The following PTGER3 variants were observed in gnomAD, a reference collection of about 807,000 sequenced individuals.
PTGER3 encodes prostaglandin E receptor 3.
In PTGER3, 22 loss-of-function variants were observed where a neutral mutation model predicts 34.7. The observed-to-expected ratio is 0.63, with a 90% confidence interval of 0.45 to 0.91. The LOEUF (loss-of-function observed/expected upper bound fraction) is 0.91, where lower values mean the gene tolerates loss of function less well. PTGER3 is among the 40% of genes least tolerant of loss of function. The pLI, the probability that PTGER3 is intolerant of heterozygous loss-of-function variation, is 0.00. For synonymous variants in PTGER3, 241 were observed against 230.1 expected, an observed-to-expected ratio of 1.05 and a Z score of -0.43; for missense variants, 468 against 519.4, an observed-to-expected ratio of 0.90 and a Z score of 0.96.
At chr1:70,866,446 A>G (rs1003246565) in intron 4 of PTGER3, among the ~76,000 whole-genome samples, 1 of 152,160 alleles carries the variant, frequency 6.6e-6, no homozygotes. Flanking sequence ...CAGAGATCAA[A>G]CCACCATCAA....
chr1:71,021,802 T>G lies in PTGER3; in HGVS notation c.898-9318A>C, dbSNP rs35206244. Among the ~76,000 whole-genome samples the G allele has an allele frequency of 9.6e-4, 145 of 151,776 alleles. 2 individuals carry two copies. The East Asian group carries it at 0.02, about 21-fold the overall frequency. ...AGAGATAGTCACCTCAATATAAAAA[T>G]AGAAAGTTAGAAAAACCTAGATGAC... On this transcript the variant is annotated intron_variant, in intron 1 of 3. Transcript: ENST00000306666.
At chr1:71,006,720 A>G in intron 2 of PTGER3, 5 of 985,244 alleles carry the variant, frequency 5.1e-6, no homozygotes, top group Non-Finnish European at 6.0e-6. Context: ...TAATTTTTCC[A>G]GATAGCATGG....
chr1:70,859,377 C>T (rs1645878681), intron 4 of PTGER3, among the ~76,000 whole-genome samples: 1 of 151,900 alleles, frequency 6.6e-6, no homozygotes, highest in Non-Finnish European at 1.5e-5. Flanking sequence ...CTTTATGGTG[C>T]CTAGTCTGTC....
chr1:70,907,344 A>T (rs1646970571), intron 4 of PTGER3, among the ~76,000 whole-genome samples: 1 of 152,262 alleles, frequency 6.6e-6, no homozygotes, highest in Non-Finnish European at 1.5e-5. Context: ...AATGAGAATT[A>T]CAAGGACAGT....
At chr1:70,882,223 G>A (rs1646405294) in intron 4 of PTGER3, among the ~76,000 whole-genome samples, 1 of 152,204 alleles carries the variant, frequency 6.6e-6, no homozygotes, top group Non-Finnish European at 1.5e-5. Flanking sequence ...CCATTGGCAT[G>A]GGTGTGTGGT....
chr1:70,852,957 T>C (rs1356620949), intron 4 of PTGER3: 1 of 1,349,714 alleles, frequency 7.4e-7, no homozygotes, highest in Non-Finnish European at 1.1e-6. Context: ...AAATTTCAGA[T>C]TATGAACAGG....
chr1:70,946,851 G>T (rs1326883431), intron 4 of PTGER3, among the ~76,000 whole-genome samples: 1 of 152,110 alleles, frequency 6.6e-6, no homozygotes, highest in African/African-American at 2.4e-5. Context: ...ATGCTCACAG[G>T]TCTTATGTTC....
intron 4 of PTGER3, among the ~76,000 whole-genome samples, chr1:70,900,643 T>C (rs1646816274): frequency 6.6e-6 from 1 of 152,208 alleles, no homozygotes; most frequent in African/African-American, 2.4e-5. Flanking sequence ...ATGTAATGTA[T>C]GCAGCTTGGC....
rs538386729 is a variant in PTGER3, at chr1:71,037,709, G to A, written c.897+8972C>T. The stretch of plus-strand genomic sequence containing the variant: ...GAGTCGTTAATCGTTTTATCTTACC[G>A]GTTAGAAAAGGAAAGTCCGGCAAGA... On this transcript the variant is annotated intron_variant, in intron 1 of 3. Transcript: ENST00000306666. Among the ~76,000 whole-genome samples, 125 of 151,242 alleles carry A rather than the reference G, an allele frequency of 8.3e-4. 2 individuals are homozygous for A. Among genetic ancestry groups the A allele is most frequent in the Non-Finnish European group, 1.4e-3 (96 of 67,810 alleles).
At chr1:70,915,761 A>T (rs1457304628) in intron 4 of PTGER3, among the ~76,000 whole-genome samples, 1 of 151,868 alleles carries the variant, frequency 6.6e-6, no homozygotes, top group East Asian at 1.9e-4. Flanking sequence ...ATGATTGTAG[A>T]TGTGCAGCTT....
intron 2 of PTGER3, among the ~76,000 whole-genome samples, chr1:70,978,487 C>A (rs1277636732): frequency 6.6e-6 from 1 of 152,060 alleles, no homozygotes; most frequent in Admixed American, 6.6e-5. Flanking sequence ...ATTTGACCTA[C>A]TCAAGGGGGA....
At chr1:71,007,767 G>T in intron 2 of PTGER3, 1 of 985,222 alleles carries the variant, frequency 1.0e-6, no homozygotes, top group East Asian at 1.1e-4. Flanking sequence ...TTAATGATTG[G>T]CTGTTTTTGC....
chr1:70,871,747 C>G (rs919272655), intron 4 of PTGER3, among the ~76,000 whole-genome samples: 1 of 152,100 alleles, frequency 6.6e-6, no homozygotes, highest in East Asian at 1.9e-4. Context: ...ACATTAGATG[C>G]AGAAATATCA....
At chr1:70,973,487 G>A (rs1653358968) in intron 3 of PTGER3, among the ~76,000 whole-genome samples, 1 of 152,032 alleles carries the variant, frequency 6.6e-6, no homozygotes, top group African/African-American at 2.4e-5. Context: ...CAACCATGAG[G>A]ATAAATGTCT....
downstream of PTGER3, among the ~76,000 whole-genome samples, chr1:70,948,036 A>G (rs1229594452): frequency 6.6e-6 from 1 of 152,158 alleles, no homozygotes; most frequent in Non-Finnish European, 1.5e-5. Flanking sequence ...GAGTGTGATG[A>G]AATGGTAGAG....
rs376878455 is a variant in PTGER3, at chr1:71,043,807, GTT to G, written c.897+2872_897+2873del. ...GTAAATCTTTTTGAAGATATTTGGA[GTT>G]TTTTTTTTGTTTTTTGTTTTTTTTT... On this transcript the variant is annotated intron_variant, in intron 1 of 3. Transcript: ENST00000306666. Among the ~76,000 whole-genome samples the G allele has an allele frequency of 6.8e-5, 10 of 146,036 alleles. No individual in the cohort carries two copies. The South Asian group carries it at 2.2e-3, about 32-fold the overall frequency.
At position 70,953,507 on chromosome 1, in the gene PTGER3, C is replaced by T. The variant is rs114815813; in HGVS notation, c.1104+256G>A. Among the ~76,000 whole-genome samples, 1,211 of 152,218 alleles carry T rather than the reference C, an allele frequency of 8.0e-3. 9 individuals carry two copies. Among genetic ancestry groups the T allele is most frequent in the Middle Eastern group, 0.02 (6 of 294 alleles). ...GTGCTGCCAAGTCCCCACAGCTGAT[C>T]CCCAACAGACATGTTATATGGGGGC... On this transcript the variant is annotated intron_variant, in intron 3 of 3. Transcript: ENST00000356595.
intron 4 of PTGER3, among the ~76,000 whole-genome samples, chr1:70,924,514 A>G (rs115814371): frequency 9.2e-5 from 14 of 152,294 alleles, no homozygotes; most frequent in African/African-American, 3.4e-4. Context: ...TAATGTAAAA[A>G]TCTGTATGAG....
At chr1:70,963,645 AGCCCCTG>A (rs1652191576) in intron 2 of PTGER3, among the ~76,000 whole-genome samples, 1 of 152,146 alleles carries the variant, frequency 6.6e-6, no homozygotes, top group South Asian at 2.1e-4. Context: ...CAGGGTGCCA[AGCCCCTG>A]GCCTGCACAC....
Sources: gnomAD v4.1 joint callset for allele counts (sites outside exome capture counted in the v4.1 genomes callset) on GRCh38, gnomAD v4.1.1 for gene constraint, MANE v1.5 for transcripts, NCBI Gene and HGNC (gene_info 2026-07-23, HGNC 2026-07-21) for gene names.